Variants in HLX observed in about 807,000 individuals in gnomAD.
The protein encoded by HLX is H2.0 like homeobox.
HLX carries 6 observed loss-of-function variants against 27.7 expected under a neutral mutation model. The observed-to-expected ratio is 0.22, with a 90% confidence interval of 0.12 to 0.43. HLX has a LOEUF of 0.43. Among genes scored for constraint, HLX ranks in the 20% least tolerant of loss-of-function variants. The pLI is 1.00. For missense variants in HLX, 666 were observed against 655.2 expected, an observed-to-expected ratio of 1.02 and a Z score of -0.18; for synonymous variants, 328 against 293.8, an observed-to-expected ratio of 1.12 and a Z score of -1.19.
intron 3 of HLX, 55 bp downstream of exon 3, chr1:220,882,403 G>A: frequency 1.3e-6 from 2 of 1,544,452 alleles, no homozygotes; most frequent in East Asian, 4.6e-5. Flanking sequence ...GCAGCGCACG[G>A]CCTAGTCTGG....
In HLX at chr1:220,884,978, C is replaced by G. The variant is rs1280471769; in HGVS notation, c.*274C>G. The G allele has an allele frequency of 5.6e-6, 3 of 537,314 alleles. No homozygotes were observed. The highest frequency in any genetic ancestry group is 9.9e-6 in the Non-Finnish European group (3 of 302,892). 33.3% of individuals were successfully genotyped at this position (537,314 alleles called of 1,614,324 possible). A position where few individuals can be genotyped will look rare whatever the true frequency, so the allele number is the denominator to read the frequency against. ...TGAGGTGTTTGACTAAACTGTTTCT[C>G]TGACTCGCCCCAGAGGTCGTGGCTC... is the stretch of plus-strand genomic sequence containing the variant. On this transcript the variant is annotated 3_prime_UTR_variant, in exon 4 of 4. Transcript: ENST00000366903. The surrounding 1 kb of genome is among the most constrained non-coding windows in gnomAD (Gnocchi z 4.9).
chr1:220,883,537 G>T (rs927703537), intron 3 of HLX: 13 of 152,738 alleles, frequency 8.5e-5, no homozygotes, highest in African/African-American at 3.1e-4. Context: ...CTTAACAGGG[G>T]CAAGGTCCTT....
rs776103225 is a variant in HLX at position 220,882,303 on chromosome 1, G to A, written c.912G>A (p.Pro304=). The A allele has an allele frequency of 5.0e-6, 8 of 1,614,104 alleles. 1 individual carries two copies. Among genetic ancestry groups the A allele is most frequent in the African/African-American group, 2.7e-5 (2 of 74,946 alleles). ...AGATTCAGAAGTACGTGACCAAGCC[G>A]GACCGAAAGCAGCTGGCGGCGATGC... ...RFEIQKYVTK[P]DRKQLAAMLG... is the part of the protein sequence containing the mutation. The change falls in exon 3 of 4, where the codon CCG becomes CCA. Residue 304 remains proline, a synonymous_variant. Transcript: ENST00000366903.
chr1:220,879,536 C>T lies in HLX; in HGVS notation c.-322C>T, dbSNP rs1674376491. 1 of 435,276 alleles carries T rather than the reference C, an allele frequency of 2.3e-6. No homozygotes were observed. Among genetic ancestry groups the T allele is most frequent in the Non-Finnish European group, 4.1e-6 (1 of 245,164 alleles). The allele number at this position is 435,276 out of a possible 1,614,324, so 27.0% of individuals were successfully genotyped here. A position where few individuals can be genotyped will look rare whatever the true frequency, so the allele number is the denominator to read the frequency against. On this transcript the variant is annotated 5_prime_UTR_variant, in exon 1 of 4. Transcript: ENST00000366903. ...AGCTATTTGGGTTTTCTTGCGGTGT[C>T]CGGCTCCCGTCTCCCTGGCTCCCCC...
chr1:220,881,763 A>AACACACACACAC lies in HLX; in HGVS notation c.773-362_773-351dup, dbSNP rs71167242. On this transcript the variant is annotated intron_variant, in intron 2 of 3. Coordinates refer to ENST00000366903, the MANE Select transcript of HLX (RefSeq NM_021958.4). ...GGGTGCCTGGACACATGCGGGAATAAACACACACACACACACACACACACA... is the reference window on the plus strand; with the variant it reads ...GGGTGCCTGGACACATGCGGGAATAAACACACACACACACACACACACACACACACACACACA... The AACACACACACAC allele has an allele frequency of 1.7e-3, 508 of 306,860 alleles. 2 individuals carry two copies. The highest frequency in any genetic ancestry group is 0.013 in the East Asian group (157 of 12,046). The allele number at this position is 306,860 out of a possible 1,614,324, so 19.0% of individuals were successfully genotyped here.
rs1266278767 is a variant in HLX at position 220,880,092 on chromosome 1, G to A, written c.235G>A (p.Val79Ile). Residue 79 changes from valine (V) to isoleucine (I), a missense_variant, in exon 1 of 4, where the codon GTT becomes ATT. Val to Ile is a conservative substitution (Grantham distance 29, BLOSUM62 3). Transcript: ENST00000366903. ...CGCCCTCACCGCGCACTTGGGCTCG[G>A]TTCACCCGCACGCCTCTTTCCAAGC... ...AAALTAHLGS[V>I]HPHASFQAAA... The A allele has an allele frequency of 6.3e-7, 1 of 1,596,912 alleles. No homozygotes were observed. The highest frequency in any genetic ancestry group is 1.1e-5 in the South Asian group (1 of 90,394).
chr1:220,879,606 G>T lies in HLX; in HGVS notation c.-252G>T. The T allele has an allele frequency of 1.8e-6, 1 of 548,238 alleles. No homozygotes were observed. The allele number at this position is 548,238 out of a possible 1,614,324, so 34.0% of individuals were successfully genotyped here. A position where few individuals can be genotyped will look rare whatever the true frequency, so the allele number is the denominator to read the frequency against. On this transcript the variant is annotated 5_prime_UTR_variant, in exon 1 of 4. Transcript: ENST00000366903. ...CGCCCCTCGCTCTCATCCAGCCCGC[G>T]AGGAGTGCGGGCGCCGCGCCGCCTT...
Position 220,879,838 on chromosome 1 carries a change from G to A in HLX, c.-20G>A, listed in dbSNP as rs757525812. The A allele has an allele frequency of 1.4e-5, 22 of 1,554,008 alleles. No homozygotes were observed. The highest frequency in any genetic ancestry group is 8.6e-6 in the Non-Finnish European group (10 of 1,157,816). ...CCAGTCCGGCTGGACTGCGGCAGCC[G>A]CGCGGCTCACCCCGGCAGGATGTTC... On this transcript the variant is annotated 5_prime_UTR_variant, in exon 1 of 4. Transcript: ENST00000366903.
At position 220,881,256 on chromosome 1, in the gene HLX, T is replaced by C. The variant is rs1674431761; in HGVS notation, c.655T>C (p.Ser219Pro). 6.2e-7 allele frequency: 1 copy of C among 1,614,124 alleles called. No homozygotes were observed. Residue 219 changes from serine (S) to proline (P), a missense_variant, in exon 2 of 4, where the codon TCG becomes CCG. Physicochemically the swap from Ser to Pro is moderately conservative, Grantham distance 74. Transcript: ENST00000366903. ...AGVHLSGLQP[S>P]AGQFFASLDP... ...GGTGCACCTCTCAGGCCTGCAGCCC[T>C]CGGCCGGCCAGTTCTTCGCATCTCT... is the stretch of plus-strand genomic sequence containing the variant.
At chr1:220,882,514 A>G in intron 3 of HLX, 166 bp downstream of exon 3, 1 of 633,636 alleles carries the variant, frequency 1.6e-6, no homozygotes, top group Non-Finnish European at 2.8e-6. Context: ...GCAGGAGAAG[A>G]GGAGGGTGGA....
At position 220,879,800 on chromosome 1, in the gene HLX, C is replaced by T. The variant is rs1447983195; in HGVS notation, c.-58C>T. ...TCCGGGACTCGCGCGCCCCTCCCCG[C>T]GCGCCCACCCACCCAGTCCGGCTGG... is the stretch of plus-strand genomic sequence containing the variant. On this transcript the variant is annotated 5_prime_UTR_variant, in exon 1 of 4. Coordinates refer to ENST00000366903, the MANE Select transcript of HLX (RefSeq NM_021958.4). 1.3e-5 allele frequency: 20 copies of T among 1,487,998 alleles called. No homozygotes were observed. In the Admixed American group the frequency reaches 4.7e-4, roughly 35 times the overall value. The allele number at this position is 1,487,998 out of a possible 1,614,324, so 92.2% of individuals were successfully genotyped here.
rs370630244 is a variant in HLX at position 220,880,097 on chromosome 1, C to T, written c.240C>T (p.His80=). ...TCACCGCGCACTTGGGCTCGGTTCACCCGCACGCCTCTTTCCAAGCGGCGG... is the reference window on the plus strand; with the variant it reads ...TCACCGCGCACTTGGGCTCGGTTCATCCGCACGCCTCTTTCCAAGCGGCGG... The part of the protein sequence containing the change: ...AALTAHLGSV[H]PHASFQAAAR... Residue 80 remains histidine (H), a synonymous_variant, in exon 1 of 4, where the codon CAC becomes CAT. Coordinates refer to ENST00000366903, the MANE Select transcript of HLX (RefSeq NM_021958.4). The T allele has an allele frequency of 4.9e-5, 78 of 1,598,218 alleles. No homozygotes were observed. Among genetic ancestry groups the T allele is most frequent in the Admixed American group, 6.7e-5 (4 of 59,540 alleles).
chr1:220,884,272 G>A lies in HLX; in HGVS notation c.1035G>A (p.Lys345=), dbSNP rs761143992. Reference sequence around the variant, plus strand: ...CCCAGGCCCAAAAGGACAAGGACAAGGAGGCTGGCGAGAAGCCATCAGGTG... The same window carrying A: ...CCCAGGCCCAAAAGGACAAGGACAAAGAGGCTGGCGAGAAGCCATCAGGTG... The part of the protein sequence containing the change: ...KEAQAQKDKD[K]EAGEKPSGGA... Residue 345 remains lysine (K), a synonymous_variant, in exon 4 of 4, where the codon AAG becomes AAA. Coordinates refer to ENST00000366903, the MANE Select transcript of HLX (RefSeq NM_021958.4). This position sits in a 1 kb window ranked among gnomAD's most constrained non-coding sequence, Gnocchi z 4.9. The A allele has an allele frequency of 6.2e-6, 10 of 1,614,084 alleles. No individual in the cohort carries two copies. The highest frequency in any genetic ancestry group is 1.1e-5 in the South Asian group (1 of 91,064).
intron 2 of HLX, 32 bp from the exon 3 acceptor site, chr1:220,882,132 C>G (rs371842188): frequency 3.4e-5 from 54 of 1,611,218 alleles, no homozygotes; most frequent in African/African-American, 1.1e-4. Context: ...GCCCTCTTGT[C>G]TTTCTTCCCT....
intron 2 of HLX, 177 bp downstream of exon 2, chr1:220,881,550 G>A: frequency 1.5e-6 from 1 of 687,516 alleles, no homozygotes; most frequent in Non-Finnish European, 2.6e-6. Context: ...CGCTTCGGAT[G>A]GTTCCCCTTG....
chr1:220,884,731 G>A lies in HLX; in HGVS notation c.*27G>A. On this transcript the variant is annotated 3_prime_UTR_variant, in exon 4 of 4. Coordinates refer to ENST00000366903, the MANE Select transcript of HLX (RefSeq NM_021958.4). This position sits in a 1 kb window ranked among gnomAD's most constrained non-coding sequence, Gnocchi z 4.9. ...CTGTACTAGGGCGGAGGGGATCCGGGCCTTGCGTGCAGCCTCCCAACCATG... is the reference window on the plus strand; with the variant it reads ...CTGTACTAGGGCGGAGGGGATCCGGACCTTGCGTGCAGCCTCCCAACCATG... The A allele has an allele frequency of 6.2e-7, 1 of 1,600,750 alleles. No individual in the cohort carries two copies. The highest frequency in any genetic ancestry group is 1.1e-5 in the South Asian group (1 of 90,274).
chr1:220,882,388 GGGCA>G (rs780793347), intron 3 of HLX, 40 bp downstream of exon 3: 1 of 1,597,036 alleles, frequency 6.3e-7, no homozygotes, highest in African/African-American at 1.3e-5. Flanking sequence ...GCCCTCGGGC[GGGCA>G]GCAGCGCACG....
chr1:220,884,657 G>C lies in HLX; in HGVS notation c.1420G>C (p.Ala474Pro), dbSNP rs755377134. The stretch of plus-strand genomic sequence containing the variant: ...TGCAACACAGCCCACAGCCAGCAGC[G>C]CTCCCAAAAGCCCCGAGCCAGCCCA... ...LPATQPTASS[A>P]PKSPEPAQGA... Residue 474 changes from alanine to proline, a missense_variant, in exon 4 of 4, where the codon GCT becomes CCT. By Grantham distance (27) the Ala-to-Pro change is conservative. Coordinates refer to ENST00000366903, the MANE Select transcript of HLX (RefSeq NM_021958.4). The surrounding 1 kb of genome is among the most constrained non-coding windows in gnomAD (Gnocchi z 4.9). 6.2e-7 allele frequency: 1 copy of C among 1,610,724 alleles called. No individual in the cohort carries two copies. The highest frequency in any genetic ancestry group is 8.5e-7 in the Non-Finnish European group (1 of 1,179,368).
rs867284388 is a variant in HLX at position 220,879,458 on chromosome 1, C to A, written c.-400C>A. The A allele has an allele frequency of 2.7e-5, 5 of 187,140 alleles. No homozygotes were observed. Among genetic ancestry groups the A allele is most frequent in the African/African-American group, 4.7e-5 (2 of 42,972 alleles). The allele number at this position is 187,140 out of a possible 1,614,324, so 11.6% of individuals were successfully genotyped here. Reference sequence around the variant, plus strand: ...TTTTTTTTCTATTACTTTTCCCCCCCCCTAACTAACGGACTATTATTGTTG... The same window carrying A: ...TTTTTTTTCTATTACTTTTCCCCCCACCTAACTAACGGACTATTATTGTTG... On this transcript the variant is annotated 5_prime_UTR_variant, in exon 1 of 4. Transcript: ENST00000366903.
Sources: gnomAD v4.1 joint callset for allele counts on GRCh38, gnomAD v4.1.1 for gene constraint, Gnocchi (gnomAD v3.1) non-coding constraint, MANE v1.5 for transcripts, NCBI Gene and HGNC (gene_info 2026-07-23, HGNC 2026-07-21) for gene names.